GPC6: variants seen among roughly 807,000 people sequenced by gnomAD.
GPC6 encodes glypican 6, also known as glypican-6.
GPC6 carries 14 observed loss-of-function variants against 55.2 expected under a neutral mutation model. The observed-to-expected ratio is 0.25, with a 90% CI of 0.17 to 0.40. GPC6 has a LOEUF of 0.40. Ranked by LOEUF, GPC6 falls within the 10% of genes least tolerant of loss-of-function variation. GPC6 has a pLI of 1.00. For missense variants in GPC6, 641 were observed against 708.5 expected, an observed-to-expected ratio of 0.90 and a Z score of 1.08; for synonymous variants, 278 against 259.6, an observed-to-expected ratio of 1.07 and a Z score of -0.68.
intron 2 of GPC6, among the ~76,000 whole-genome samples, chr13:93,771,021 C>A (rs1041941934): frequency 1.3e-5 from 2 of 152,116 alleles, no homozygotes; most frequent in African/African-American, 4.8e-5. Flanking sequence ...CCTACAGTCT[C>A]AGTAATCTGC....
chr13:93,871,051 A>G (rs1271779759), intron 3 of GPC6, among the ~76,000 whole-genome samples: 1 of 151,854 alleles, frequency 6.6e-6, no homozygotes, highest in Non-Finnish European at 1.5e-5. Flanking sequence ...GTTTTGTATG[A>G]CATCACTAAT....
intron 3 of GPC6, among the ~76,000 whole-genome samples, chr13:93,965,437 G>A (rs534341948): frequency 2.0e-5 from 3 of 151,982 alleles, no homozygotes; most frequent in East Asian, 3.9e-4. Context: ...AAATAACCAC[G>A]AATACTTTGC....
At chr13:94,211,638 A>G (rs781456884) in intron 4 of GPC6, among the ~76,000 whole-genome samples, 4 of 152,220 alleles carry the variant, frequency 2.6e-5, no homozygotes, top group Non-Finnish European at 5.9e-5. Flanking sequence ...TTACCAATTT[A>G]CAGACAAGGC....
At chr13:94,290,944 C>A (rs1248560883) in intron 5 of GPC6, among the ~76,000 whole-genome samples, 1 of 152,210 alleles carries the variant, frequency 6.6e-6, no homozygotes, top group Non-Finnish European at 1.5e-5. Context: ...ATAATCCCTG[C>A]ACTTTGGGAG....
At chr13:94,369,687 A>G (rs1184787819) in intron 6 of GPC6, among the ~76,000 whole-genome samples, 1 of 152,230 alleles carries the variant, frequency 6.6e-6, no homozygotes, top group African/African-American at 2.4e-5. Context: ...ATGACATTTA[A>G]GACAATAGTA....
At chr13:93,527,412 G>A (rs1881697201) in intron 1 of GPC6, among the ~76,000 whole-genome samples, 1 of 152,010 alleles carries the variant, frequency 6.6e-6, no homozygotes, top group Non-Finnish European at 1.5e-5. Context: ...TGGGGTATGT[G>A]CTTTAATTTC....
intron 2 of GPC6, among the ~76,000 whole-genome samples, chr13:93,677,863 T>C (rs1881702196): frequency 6.6e-6 from 1 of 152,166 alleles, no homozygotes; most frequent in African/African-American, 2.4e-5. Context: ...GCCCATGGGA[T>C]AAAATGGATA....
At chr13:94,265,146 G>A (rs765806272) in intron 4 of GPC6, among the ~76,000 whole-genome samples, 5 of 152,166 alleles carry the variant, frequency 3.3e-5, no homozygotes, top group Non-Finnish European at 5.9e-5. Context: ...AGGAGAATCC[G>A]GTGGTTAGAT....
At chr13:93,300,419 C>A (rs571651664) in intron 1 of GPC6, among the ~76,000 whole-genome samples, 6 of 151,934 alleles carry the variant, frequency 3.9e-5, no homozygotes, top group African/African-American at 1.4e-4. Flanking sequence ...GAGGCCGAGG[C>A]GGGCGGATCA....
chr13:93,259,829 G>A (rs1489012166), intron 1 of GPC6, among the ~76,000 whole-genome samples: 1 of 152,010 alleles, frequency 6.6e-6, no homozygotes, highest in Non-Finnish European at 1.5e-5. Context: ...AATATCTTGT[G>A]TGGTAGCATC....
intron 4 of GPC6, among the ~76,000 whole-genome samples, chr13:94,120,776 G>T (rs1382643727): frequency 2.0e-5 from 3 of 152,090 alleles, no homozygotes; most frequent in Non-Finnish European, 4.4e-5. Context: ...TGTGGGGAAA[G>T]GTGTAGGAGG....
At chr13:93,332,638 A>T (rs563553188) in intron 1 of GPC6, among the ~76,000 whole-genome samples, 1 of 152,232 alleles carries the variant, frequency 6.6e-6, no homozygotes, top group South Asian at 2.1e-4. Context: ...TAGTTTGCAA[A>T]TATTTTCTCC....
chr13:93,787,908 A>T (rs1256803357), intron 2 of GPC6, among the ~76,000 whole-genome samples: 1 of 152,212 alleles, frequency 6.6e-6, no homozygotes, highest in African/African-American at 2.4e-5. Flanking sequence ...CAAGTTATGA[A>T]CAGTGCCTAA....
intron 2 of GPC6, among the ~76,000 whole-genome samples, chr13:93,641,586 A>G (rs879717425): frequency 4.6e-5 from 7 of 152,100 alleles, no homozygotes; most frequent in Non-Finnish European, 8.8e-5. Context: ...CAAAGTAGGA[A>G]GCTGTAATTC....
intron 6 of GPC6, among the ~76,000 whole-genome samples, chr13:94,353,544 G>GA (rs1244487118): frequency 6.6e-6 from 1 of 151,874 alleles, no homozygotes; most frequent in South Asian, 2.1e-4. Flanking sequence ...ACTTTCCTGA[G>GA]AAAAAAGAGT....
chr13:94,234,648 G>A (rs527284001), intron 4 of GPC6, among the ~76,000 whole-genome samples: 1 of 151,482 alleles, frequency 6.6e-6, no homozygotes, highest in African/African-American at 2.4e-5. Flanking sequence ...CTTGTTTTAT[G>A]AACTATGGAA....
chr13:93,886,259 A>G (rs1202763438), intron 3 of GPC6, among the ~76,000 whole-genome samples: 1 of 152,048 alleles, frequency 6.6e-6, no homozygotes, highest in African/African-American at 2.4e-5. Context: ...GAAGACTAGA[A>G]TGGCAAGATT....
At chr13:93,982,614 A>G (rs894570960) in intron 3 of GPC6, among the ~76,000 whole-genome samples, 13 of 152,202 alleles carry the variant, frequency 8.5e-5, no homozygotes, top group African/African-American at 2.7e-4. Flanking sequence ...CTTCTCTTCC[A>G]TATCCACCAA....
intron 4 of GPC6, among the ~76,000 whole-genome samples, chr13:94,113,758 C>T (rs139767317): frequency 1.5e-4 from 23 of 152,052 alleles, no homozygotes; most frequent in Non-Finnish European, 2.4e-4. Context: ...TAGTATCTCA[C>T]GCCTGCAATC....
Sources: gnomAD v4.1 joint callset for allele counts (sites outside exome capture counted in the v4.1 genomes callset) on GRCh38, gnomAD v4.1.1 for gene constraint, MANE v1.5 for transcripts, NCBI Gene and HGNC (gene_info 2026-07-23, HGNC 2026-07-21) for gene names.